CNTNAP2: variants seen among roughly 807,000 people sequenced by gnomAD.
The protein encoded by CNTNAP2 is contactin-associated protein-like 2.
Under a neutral mutation model 155.2 loss-of-function variants are expected in CNTNAP2, and 98 were observed. That is an observed-to-expected ratio of 0.63 (90% CI 0.54 to 0.75). CNTNAP2 has a LOEUF of 0.75. Ranked by LOEUF, CNTNAP2 falls within the 30% of genes least tolerant of loss-of-function variation. CNTNAP2 has a pLI of 0.00. For missense variants in CNTNAP2, 1,727 were observed against 1,688.1 expected (o/e 1.02, Z -0.40); for synonymous variants, 651 against 631.2 (o/e 1.03, Z -0.47).
At chr7:148,166,166 C>A (rs1038304781) in intron 17 of CNTNAP2, among the ~76,000 whole-genome samples, 9 of 151,972 alleles carry the variant, frequency 5.9e-5, no homozygotes, top group African/African-American at 2.2e-4. Flanking sequence ...TGGCTACCAC[C>A]TTCTAACACA....
At chr7:147,105,072 G>A (rs1404650450) in intron 4 of CNTNAP2, among the ~76,000 whole-genome samples, 1 of 150,702 alleles carries the variant, frequency 6.6e-6, no homozygotes. Context: ...AATTTCTTTT[G>A]ATCAATAGAC....
intron 8 of CNTNAP2, among the ~76,000 whole-genome samples, chr7:147,210,116 T>A (rs1323421498): frequency 6.6e-6 from 1 of 152,034 alleles, no homozygotes; most frequent in East Asian, 1.9e-4. Flanking sequence ...GTACAGTGAG[T>A]TAGGGTGGAA....
rs755268329 is a variant in CNTNAP2, at chr7:147,977,875, G to A, written c.2269G>A (p.Gly757Ser). 1.9e-6 allele frequency: 3 copies of A among 1,614,114 alleles called. No homozygotes were observed. The highest frequency in any genetic ancestry group is 2.5e-6 in the Non-Finnish European group (3 of 1,180,008). ...ADYKQWRKDA[G>S]FLSYKDHLPV... ...CCTGTGATCCAGGAGGAAGGATGCT[G>A]GTTTCTTATCATACAAAGATCACCT... The change falls in exon 15 of 24, where the codon GGT (glycine) becomes AGT (serine). Residue 757 changes from glycine to serine, a missense_variant. Gly to Ser is a moderately conservative substitution (Grantham distance 56). Coordinates refer to ENST00000361727, the MANE Select transcript of CNTNAP2 (RefSeq NM_014141.6).
chr7:147,681,795 AAGAGAG>A (rs150632064), intron 13 of CNTNAP2, among the ~76,000 whole-genome samples: 1 of 150,028 alleles, frequency 6.7e-6, no homozygotes, highest in African/African-American at 2.4e-5. Flanking sequence ...AGTATTTTGC[AAGAGAG>A]AGAGAGAGAG....
intron 1 of CNTNAP2, among the ~76,000 whole-genome samples, chr7:146,386,425 G>A (rs1050966699): frequency 6.6e-6 from 1 of 152,202 alleles, no homozygotes; most frequent in Non-Finnish European, 1.5e-5. Flanking sequence ...GTCTAGCTCT[G>A]TCGCCCAGGC....
chr7:148,187,861 C>T (rs1433036511), intron 18 of CNTNAP2, among the ~76,000 whole-genome samples: 1 of 152,096 alleles, frequency 6.6e-6, no homozygotes, highest in Non-Finnish European at 1.5e-5. Flanking sequence ...TGCAAGCATA[C>T]AAGAGTATGC....
intron 11 of CNTNAP2, among the ~76,000 whole-genome samples, chr7:147,521,501 G>A (rs554680871): frequency 3.9e-5 from 6 of 152,250 alleles, no homozygotes; most frequent in South Asian, 4.1e-4. Flanking sequence ...ATCCCATTCC[G>A]TGGAAGTCTC....
At chr7:146,559,370 C>G (rs867745445) in intron 1 of CNTNAP2, among the ~76,000 whole-genome samples, 1 of 152,108 alleles carries the variant, frequency 6.6e-6, no homozygotes, top group Non-Finnish European at 1.5e-5. Context: ...GAGATAGAGA[C>G]TATCCTGGCT....
intron 1 of CNTNAP2, among the ~76,000 whole-genome samples, chr7:146,603,562 G>GA (rs1798987185): frequency 6.7e-6 from 1 of 150,150 alleles, no homozygotes; most frequent in South Asian, 2.1e-4. Flanking sequence ...CACAGAATTG[G>GA]AAAAAACTAC....
intron 2 of CNTNAP2, among the ~76,000 whole-genome samples, chr7:146,815,899 T>C (rs1275286691): frequency 2.0e-5 from 3 of 152,154 alleles, no homozygotes; most frequent in Admixed American, 1.3e-4. Context: ...CTTAATGATA[T>C]CCCTCTCTGC....
At position 147,100,076 on chromosome 7, in the gene CNTNAP2, A is replaced by T. The variant is rs549411788; in HGVS notation, c.551-8071A>T. On this transcript the variant is annotated intron_variant, in intron 4 of 23. Transcript: ENST00000361727. ...TCTGATTTTCTGATATCTTGTGGGTAATGAGTGGATGAGAGCGAGGACAGA... is the reference window on the plus strand; with the variant it reads ...TCTGATTTTCTGATATCTTGTGGGTTATGAGTGGATGAGAGCGAGGACAGA... 1.2e-4 allele frequency among the ~76,000 whole-genome samples: 18 copies of T among 152,106 alleles called. No homozygotes were observed. In the South Asian group the frequency reaches 3.7e-3, roughly 32 times the overall value.
Position 147,707,575 on chromosome 7 carries a change from G to A in CNTNAP2, c.2098+68269G>A, listed in dbSNP as rs144327854. Among the ~76,000 whole-genome samples, 1,052 of 152,306 alleles carry A rather than the reference G, an allele frequency of 6.9e-3. 5 individuals are homozygous for A. Among genetic ancestry groups the A allele is most frequent in the Non-Finnish European group, 0.01 (682 of 68,026 alleles). ...TTCCTTGGGCCCCAGGGCAACATAT[G>A]CTAATATACCTGTGTTAGCAGGCTC... On this transcript the variant is annotated intron_variant, in intron 13 of 23. Coordinates refer to ENST00000361727, the MANE Select transcript of CNTNAP2 (RefSeq NM_014141.6).
chr7:147,246,058 CAT>C (rs1292817066), intron 8 of CNTNAP2, among the ~76,000 whole-genome samples: 3 of 148,680 alleles, frequency 2.0e-5, no homozygotes, highest in South Asian at 4.2e-4. Context: ...TATATATACA[CAT>C]ATATATGGCA....
chr7:147,902,311 T>C (rs1799882686), intron 13 of CNTNAP2, among the ~76,000 whole-genome samples: 1 of 152,252 alleles, frequency 6.6e-6, no homozygotes, highest in Non-Finnish European at 1.5e-5. Flanking sequence ...CTTATGTTTA[T>C]ATTTATATAC....
At chr7:146,468,011 C>A (rs1472087397) in intron 1 of CNTNAP2, among the ~76,000 whole-genome samples, 2 of 151,974 alleles carry the variant, frequency 1.3e-5, no homozygotes, top group East Asian at 3.9e-4. Flanking sequence ...CATTTGTGTT[C>A]TCTAATACAA....
chr7:146,835,746 AG>A, intron 2 of CNTNAP2, among the ~76,000 whole-genome samples: 1 of 152,206 alleles, frequency 6.6e-6, no homozygotes, highest in Non-Finnish European at 1.5e-5. Context: ...GCATCTAGGA[AG>A]TTAATTAGGA....
At chr7:147,585,775 ATGTGTG>A (rs10550468) in intron 12 of CNTNAP2, among the ~76,000 whole-genome samples, 1 of 151,330 alleles carries the variant, frequency 6.6e-6, no homozygotes. Flanking sequence ...GTGTATATAT[ATGTGTG>A]TGTGTGTGTA....
intron 13 of CNTNAP2, among the ~76,000 whole-genome samples, chr7:147,887,324 A>G (rs766730006): frequency 3.9e-5 from 6 of 152,162 alleles, no homozygotes; most frequent in Non-Finnish European, 5.9e-5. Flanking sequence ...TACAAAAATT[A>G]GCCAGATGTG....
intron 2 of CNTNAP2, among the ~76,000 whole-genome samples, chr7:146,795,907 A>G (rs9690034): frequency 0.034 from 5,158 of 152,294 alleles, 293 homozygotes; most frequent in African/African-American, 0.12. Context: ...TTAAATGTCC[A>G]TAAACATCAT....
Sources: allele counts gnomAD v4.1 joint callset (sites outside exome capture counted in the v4.1 genomes callset), GRCh38; gene constraint gnomAD v4.1.1; transcripts MANE v1.5; gene names NCBI Gene and HGNC (gene_info 2026-07-23, HGNC 2026-07-21).